BTBD8: variants seen among roughly 807,000 people sequenced by gnomAD.
The protein encoded by BTBD8 is BTB/POZ domain-containing protein 8.
In BTBD8, 110 loss-of-function variants were observed where a neutral mutation model predicts 162.9. The ratio of observed to expected loss-of-function variants is 0.68; its 90% CI spans 0.58 to 0.79. The LOEUF (loss-of-function observed/expected upper bound fraction) is 0.79. Among genes scored for constraint, BTBD8 ranks in the 30% least tolerant of loss-of-function variants. The probability of loss-of-function intolerance (pLI) is 0.00; values close to 1 mark genes in which losing one functional copy is unlikely to be tolerated. For missense variants in BTBD8, 1,905 were observed against 2,085.4 expected (o/e 0.91, Z 1.68); for synonymous variants, 667 against 716.1 (o/e 0.93, Z 1.10).
At chr1:92,084,400 G>A (rs937165614) in intron 1 of BTBD8, among the ~76,000 whole-genome samples, 14 of 152,242 alleles carry the variant, frequency 9.2e-5, no homozygotes, top group African/African-American at 2.9e-4. Flanking sequence ...TCTGGGAGTC[G>A]CCATCCCAGA....
At chr1:92,158,810 C>T (rs929700824) in intron 9 of BTBD8, among the ~76,000 whole-genome samples, 5 of 152,188 alleles carry the variant, frequency 3.3e-5, no homozygotes, top group Non-Finnish European at 7.3e-5. Flanking sequence ...GGATCTCACT[C>T]TGTCACCCAA....
intron 9 of BTBD8, among the ~76,000 whole-genome samples, chr1:92,163,454 T>C (rs1305386318): frequency 1.3e-5 from 2 of 151,778 alleles, no homozygotes; most frequent in Non-Finnish European, 1.5e-5. Flanking sequence ...ATATATGTTT[T>C]GTTTGTATAT....
Position 92,166,940 on chromosome 1 carries a change from T to C in BTBD8, c.1123-18T>C. The C allele has an allele frequency of 6.8e-7, 1 of 1,464,366 alleles. No homozygotes were observed. Among genetic ancestry groups the C allele is most frequent in the South Asian group, 1.4e-5 (1 of 73,896 alleles). The allele number at this position is 1,464,366 out of a possible 1,614,324, so 90.7% of individuals were successfully genotyped here. A position where few individuals can be genotyped will look rare whatever the true frequency, so the allele number is the denominator to read the frequency against. On this transcript the variant is annotated intron_variant, in intron 9 of 17. Transcript: ENST00000636805. ...GCAGTAATAGCATCTAACTTTCCAA[T>C]TTTTTTTTAAATCTAAGAATGATAA...
At chr1:92,094,555 T>A (rs1648398812) in intron 2 of BTBD8, among the ~76,000 whole-genome samples, 1 of 152,244 alleles carries the variant, frequency 6.6e-6, no homozygotes, top group Non-Finnish European at 1.5e-5. Context: ...TGTTACTACT[T>A]ATTGTAGCCC....
intron 4 of BTBD8, among the ~76,000 whole-genome samples, chr1:92,120,496 CAATAA>C (rs1649181007): frequency 1.3e-5 from 2 of 151,990 alleles, no homozygotes; most frequent in African/African-American, 4.8e-5. Context: ...AAATGTAGTA[CAATAA>C]AATAATAAGC....
chr1:92,107,822 A>C (rs546147329), intron 3 of BTBD8, 62 bp from the exon 4 acceptor site: 1 of 1,370,642 alleles, frequency 7.3e-7, no homozygotes, highest in African/African-American at 1.5e-5. Context: ...TAATAATAGA[A>C]AACAATTTTT....
intron 4 of BTBD8, among the ~76,000 whole-genome samples, chr1:92,127,856 C>T (rs1008214512): frequency 3.3e-5 from 5 of 152,028 alleles, no homozygotes; most frequent in African/African-American, 1.2e-4. Flanking sequence ...CCACCGTGCC[C>T]GACCGAAGCT....
At chr1:92,164,573 T>C (rs1650342437) in intron 9 of BTBD8, among the ~76,000 whole-genome samples, 1 of 151,568 alleles carries the variant, frequency 6.6e-6, no homozygotes, top group Admixed American at 6.6e-5. Flanking sequence ...GAGCCGAGAT[T>C]GCACCACTGC....
intron 1 of BTBD8, among the ~76,000 whole-genome samples, chr1:92,081,658 C>T (rs1648016942): frequency 6.6e-6 from 1 of 152,210 alleles, no homozygotes; most frequent in Non-Finnish European, 1.5e-5. Flanking sequence ...ACTGCAACCT[C>T]CACCTCCCGG....
rs142006093 is a variant in BTBD8, at chr1:92,107,623, C to T, written c.545-261C>T. Reference sequence around the variant, plus strand: ...AATGAAATCAGGTAACAACATATTTCTCAGAACTGTCATTAAGGGATGCAT... The same window carrying T: ...AATGAAATCAGGTAACAACATATTTTTCAGAACTGTCATTAAGGGATGCAT... On this transcript the variant is annotated intron_variant, in intron 3 of 17. Coordinates refer to ENST00000636805, the MANE Select transcript of BTBD8 (RefSeq NM_001376131.1). Among the ~76,000 whole-genome samples, 717 of 152,244 alleles carry T rather than the reference C, an allele frequency of 4.7e-3. 1 individual carries two copies. The highest frequency in any genetic ancestry group is 8.3e-3 in the Non-Finnish European group (566 of 68,012).
intron 7 of BTBD8, among the ~76,000 whole-genome samples, chr1:92,144,064 C>G (rs905400046): frequency 2.1e-4 from 30 of 145,966 alleles, no homozygotes; most frequent in African/African-American, 7.3e-4. Flanking sequence ...ACCTCTGCCT[C>G]CCAGGTTCAA....
At chr1:92,084,686 C>T (rs576876311) in intron 1 of BTBD8, among the ~76,000 whole-genome samples, 76 of 152,268 alleles carry the variant, frequency 5.0e-4, no homozygotes, top group Non-Finnish European at 8.5e-4. Flanking sequence ...GTATGTAAGC[C>T]CCTAATAAAA....
intron 2 of BTBD8, among the ~76,000 whole-genome samples, chr1:92,099,349 C>T (rs1422765984): frequency 2.0e-5 from 3 of 150,596 alleles, no homozygotes; most frequent in Admixed American, 6.6e-5. Context: ...TTGTTATTTG[C>T]AAGATTGTTT....
chr1:92,181,323 A>G lies in BTBD8; in HGVS notation c.3640A>G (p.Asn1214Asp). ...GQLSEKNSPK[N>D]METSESPESH... is the part of the protein sequence containing the mutation. Reference sequence around the variant, plus strand: ...GCTATCAGAAAAAAATTCTCCTAAAAATATGGAAACATCAGAATCTCCAGA... The same window carrying G: ...GCTATCAGAAAAAAATTCTCCTAAAGATATGGAAACATCAGAATCTCCAGA... Residue 1214 changes from asparagine (N) to aspartate (D), a missense_variant, in exon 17 of 18, where the codon AAT becomes GAT. Physicochemically the swap from Asn to Asp is conservative, Grantham distance 23. Around this residue, in one of 3 missense-constraint regions of BTBD8, gnomAD observed 1,374 missense variants for 1,442.7 expected, o/e 0.95. Coordinates refer to ENST00000636805, the MANE Select transcript of BTBD8 (RefSeq NM_001376131.1). 6.4e-7 allele frequency: 1 copy of G among 1,551,500 alleles called. No individual in the cohort carries two copies. Among genetic ancestry groups the G allele is most frequent in the Non-Finnish European group, 8.7e-7 (1 of 1,146,954 alleles).
At chr1:92,135,440 T>C (rs1459392285) in intron 5 of BTBD8, among the ~76,000 whole-genome samples, 1 of 152,232 alleles carries the variant, frequency 6.6e-6, no homozygotes, top group Non-Finnish European at 1.5e-5. Context: ...ATGTTTAGTC[T>C]CTGATCTTAG....
At position 92,177,390 on chromosome 1, in the gene BTBD8, A is replaced by C. The variant is rs1650751514; in HGVS notation, c.2197A>C (p.Ser733Arg). The C allele has an allele frequency of 1.9e-6, 3 of 1,551,780 alleles. No homozygotes were observed. Among genetic ancestry groups the C allele is most frequent in the Non-Finnish European group, 1.7e-6 (2 of 1,147,016 alleles). ...ACCCTCCAGCAGATCCACAGATTCA[A>C]GTATGGAATTCTCAATTTCCACTGA... is the stretch of plus-strand genomic sequence containing the variant. ...AGPSSRSTDS[S>R]MEFSISTECL... Residue 733 changes from serine (S) to arginine (R), a missense_variant, in exon 14 of 18, where the codon AGT becomes CGT. Transcript: ENST00000636805.
At chr1:92,133,097 T>C (rs1392555190) in intron 5 of BTBD8, among the ~76,000 whole-genome samples, 3 of 152,240 alleles carry the variant, frequency 2.0e-5, no homozygotes, top group Non-Finnish European at 2.9e-5. Context: ...TTTAGGAATT[T>C]GTATATTGAA....
chr1:92,168,938 C>T lies in BTBD8; in HGVS notation c.1516C>T (p.Arg506Cys), dbSNP rs1461263445. 3.9e-6 allele frequency: 6 copies of T among 1,543,400 alleles called. No homozygotes were observed. Among genetic ancestry groups the T allele is most frequent in the East Asian group, 2.4e-5 (1 of 40,834 alleles). Residue 506 changes from arginine to cysteine, a missense_variant, in exon 12 of 18, where the codon CGT (arginine) becomes TGT (cysteine). Arg to Cys is a radical substitution (Grantham distance 180, BLOSUM62 -3). Transcript: ENST00000636805. ...IFLVQSFYAVRHTESWKLMST... is the reference protein window; with the variant it reads ...IFLVQSFYAVCHTESWKLMST... ...CCTGGTTCAGTCTTTCTATGCTGTT[C>T]GTCACACAGAAAGCTGGAAGCTGAT... is the stretch of plus-strand genomic sequence containing the variant.
In BTBD8 at chr1:92,088,691, C is replaced by T. The variant is rs1648220083; in HGVS notation, c.150-7C>T. On this transcript the variant is annotated splice_polypyrimidine_tract_variant and splice_region_variant and intron_variant, in intron 1 of 17. Coordinates refer to ENST00000636805, the MANE Select transcript of BTBD8 (RefSeq NM_001376131.1). Reference sequence around the variant, plus strand: ...ATTAAACTATGATTCCTTTTTATTCCTTATAGGCTTCTAAGGGAAGAATTC... The same window carrying T: ...ATTAAACTATGATTCCTTTTTATTCTTTATAGGCTTCTAAGGGAAGAATTC... 3.8e-6 allele frequency: 6 copies of T among 1,559,192 alleles called. No individual in the cohort carries two copies. Among genetic ancestry groups the T allele is most frequent in the South Asian group, 2.5e-5 (2 of 79,734 alleles).
Sources: allele counts gnomAD v4.1 joint callset (sites outside exome capture counted in the v4.1 genomes callset), GRCh38; gene constraint gnomAD v4.1.1; regional missense constraint gnomAD v4.1.1; transcripts MANE v1.5; gene names NCBI Gene and HGNC (gene_info 2026-07-23, HGNC 2026-07-21).